PCDHGA11: variants seen among roughly 807,000 people sequenced by gnomAD.
PCDHGA11 encodes the protein protocadherin gamma-A11.
PCDHGA11 carries 39 observed loss-of-function variants against 60.4 expected under a neutral mutation model. The observed-to-expected ratio is 0.65, with a 90% confidence interval of 0.50 to 0.84. The LOEUF is 0.84. Among genes scored for constraint, PCDHGA11 ranks in the 40% least tolerant of loss-of-function variants. PCDHGA11 has a pLI of 0.00. For missense variants in PCDHGA11, 1,165 were observed against 1,197.7 expected (o/e 0.97, Z 0.40); for synonymous variants, 533 against 510.3 (o/e 1.04, Z -0.60).
chr5:141,498,078 G>A (rs1165770641), intron 2 of PCDHGA11, among the ~76,000 whole-genome samples: 6 of 152,194 alleles, frequency 3.9e-5, no homozygotes, highest in African/African-American at 1.4e-4. Flanking sequence ...ATAAGTGCTA[G>A]GTAGAATTGT....
At chr5:141,499,966 G>A (rs1403177792) in intron 2 of PCDHGA11, among the ~76,000 whole-genome samples, 1 of 151,988 alleles carries the variant, frequency 6.6e-6, no homozygotes, top group African/African-American at 2.4e-5. Flanking sequence ...GGGATTACAG[G>A]TGTGAGCCAC....
intron 1 of PCDHGA11, among the ~76,000 whole-genome samples, chr5:141,474,511 C>T (rs2099350824): frequency 6.6e-6 from 1 of 152,202 alleles, no homozygotes; most frequent in Non-Finnish European, 1.5e-5. Context: ...TATCAGCCCT[C>T]TTGCTGGTCT....
intron 1 of PCDHGA11, chr5:141,478,044 C>A (rs1302168166): frequency 1.9e-6 from 3 of 1,614,184 alleles, no homozygotes; most frequent in South Asian, 1.1e-5. Flanking sequence ...CCCAGGCAGA[C>A]TCTCACGGTC....
rs996353495 is a variant in PCDHGA11, at chr5:141,485,101, T to G, written c.2434-9706T>G. 12 of 1,158,090 alleles carry G rather than the reference T, an allele frequency of 1.0e-5. No individual in the cohort carries two copies. Among genetic ancestry groups the G allele is most frequent in the Non-Finnish European group, 1.4e-5 (11 of 786,830 alleles). The allele number at this position is 1,158,090 out of a possible 1,614,324, so 71.7% of individuals were successfully genotyped here. ...GGAAAGGGAGATAGGTGTCTCCAGC[T>G]GCTGTGGCTGTTTGGGGCGGGTCGG... On this transcript the variant is annotated intron_variant, in intron 1 of 3. Transcript: ENST00000398587. This position sits in a 1 kb window ranked among gnomAD's most constrained non-coding sequence, Gnocchi z 5.7.
Position 141,490,749 on chromosome 5 carries a change from C to T in PCDHGA11, c.2434-4058C>T, listed in dbSNP as rs777124697. 3.1e-6 allele frequency: 5 copies of T among 1,614,098 alleles called. No individual in the cohort carries two copies. The South Asian group carries it at 5.5e-5, about 18-fold the overall frequency. ...GAAATCAGGTTCAGGGAGCCCCAGC[C>T]TCCTCCTTTGTGTATGTCAACCCAG... On this transcript the variant is annotated intron_variant, in intron 1 of 3. Coordinates refer to ENST00000398587, the MANE Select transcript of PCDHGA11 (RefSeq NM_018914.3). The surrounding 1 kb of genome is among the most constrained non-coding windows in gnomAD (Gnocchi z 5.4).
intron 1 of PCDHGA11, chr5:141,427,778 A>T: frequency 1.4e-6 from 2 of 1,436,676 alleles, no homozygotes; most frequent in Non-Finnish European, 1.9e-6. Context: ...AGCTGCGGGC[A>T]CTGTCGTCCT....
At chr5:141,459,427 G>A (rs1489214494) in intron 1 of PCDHGA11, among the ~76,000 whole-genome samples, 2 of 152,228 alleles carry the variant, frequency 1.3e-5, no homozygotes, top group Non-Finnish European at 2.9e-5. Flanking sequence ...ATATCACAAT[G>A]TGTTCATTCA....
rs529029548 is a variant in PCDHGA11 at position 141,483,337 on chromosome 5, T to C, written c.2434-11470T>C. 9.2e-5 allele frequency among the ~76,000 whole-genome samples: 14 copies of C among 152,260 alleles called. No homozygotes were observed. In the East Asian group the frequency reaches 2.5e-3, roughly 27 times the overall value. On this transcript the variant is annotated intron_variant, in intron 1 of 3. Transcript: ENST00000398587. Reference sequence around the variant, plus strand: ...TGGGACTGGAGGCAAAGAGATCTTATCTCTTTGCAATAGTTTGAAAGCTAT... The same window carrying C: ...TGGGACTGGAGGCAAAGAGATCTTACCTCTTTGCAATAGTTTGAAAGCTAT...
At chr5:141,450,453 C>T (rs1202828231) in intron 1 of PCDHGA11, among the ~76,000 whole-genome samples, 3 of 152,058 alleles carry the variant, frequency 2.0e-5, no homozygotes, top group East Asian at 1.9e-4. Flanking sequence ...TATGTTTCCT[C>T]GTGATTTTAT....
Position 141,485,519 on chromosome 5 carries a change from A to T in PCDHGA11, c.2434-9288A>T. ...GTTTGTCACCGAAGGTCCTTTGGAA[A>T]TGTACCGAGCAGAGGTAGAGATCGT... On this transcript the variant is annotated intron_variant, in intron 1 of 3. Transcript: ENST00000398587. The surrounding 1 kb of genome is among the most constrained non-coding windows in gnomAD (Gnocchi z 5.7). The T allele has an allele frequency of 6.2e-7, 1 of 1,614,150 alleles. No individual in the cohort carries two copies. The highest frequency in any genetic ancestry group is 8.5e-7 in the Non-Finnish European group (1 of 1,180,018).
In PCDHGA11 at chr5:141,428,081, C is replaced by A. The variant is rs768842388; in HGVS notation, c.2433+4421C>A. 14 of 1,609,100 alleles carry A rather than the reference C, an allele frequency of 8.7e-6. No individual in the cohort carries two copies. In the African/African-American group the frequency reaches 1.1e-4, roughly 12 times the overall value. ...CGGTGGACGCAGATTCGGGACACAA[C>A]GCTTGGCTGTCCTACCACGTGCTGC... is the stretch of plus-strand genomic sequence containing the variant. On this transcript the variant is annotated intron_variant, in intron 1 of 3. Transcript: ENST00000398587.
chr5:141,490,998 C>T lies in PCDHGA11; in HGVS notation c.2434-3809C>T, dbSNP rs1284919124. 5 of 1,614,014 alleles carry T rather than the reference C, an allele frequency of 3.1e-6. No homozygotes were observed. The highest frequency in any genetic ancestry group is 1.7e-5 in the Admixed American group (1 of 60,016). On this transcript the variant is annotated intron_variant, in intron 1 of 3. Coordinates refer to ENST00000398587, the MANE Select transcript of PCDHGA11 (RefSeq NM_018914.3). The surrounding 1 kb of genome is among the most constrained non-coding windows in gnomAD (Gnocchi z 5.4). Reference sequence around the variant, plus strand: ...GTCTCCCTCGCTCTGCTCCTCCTGGCTCCTTGGTCACCAAGGTGACAGCCG... The same window carrying T: ...GTCTCCCTCGCTCTGCTCCTCCTGGTTCCTTGGTCACCAAGGTGACAGCCG...
intron 1 of PCDHGA11, among the ~76,000 whole-genome samples, chr5:141,460,256 C>T (rs1315761341): frequency 6.6e-6 from 1 of 151,704 alleles, no homozygotes; most frequent in Admixed American, 6.6e-5. Context: ...TTGATAAAGC[C>T]CAATTTATTT....
At position 141,421,999 on chromosome 5, in the gene PCDHGA11, TC is replaced by T; in HGVS notation, c.774del (p.Gly259GlufsTer5). 9.9e-6 allele frequency: 16 copies of T among 1,609,214 alleles called. No homozygotes were observed. Among genetic ancestry groups the T allele is most frequent in the Non-Finnish European group, 1.4e-5 (16 of 1,177,878 alleles). On this transcript the variant is annotated frameshift_variant, in exon 1 of 4. Transcript: ENST00000398587. LOFTEE classifies it high-confidence loss of function. ...CGTGAGTGTTCCAGAAAACATCAGC[TC>T]CGGAACTCGGGTGCTGATGGTTAAT... is the stretch of plus-strand genomic sequence containing the variant. ...YRVSVPENIS[S>X]GTRVLMVNAT... is the part of the protein sequence containing the mutation.
rs1173375966 is a variant in PCDHGA11, at chr5:141,511,162, GAGA to G, written c.2803_2805del (p.Lys935del). 16 of 1,614,044 alleles carry G rather than the reference GAGA, an allele frequency of 9.9e-6. No individual in the cohort carries two copies. The highest frequency in any genetic ancestry group is 5.5e-5 in the South Asian group (5 of 91,078). On this transcript the variant is annotated inframe_deletion, in exon 4 of 4. Transcript: ENST00000398587. The stretch of plus-strand genomic sequence containing the variant: ...CAACAAGAAGAAGTCGGGCAAGAAG[GAGA>G]AGAAGTAACATGGAGGCCAGGCCAA...
At chr5:141,508,242 GC>G (rs1344624071) in intron 3 of PCDHGA11, 1 of 152,310 alleles carries the variant, frequency 6.6e-6, no homozygotes, top group African/African-American at 2.4e-5. Context: ...TCCTAAGTCT[GC>G]CTCTCCTGGG....
intron 1 of PCDHGA11, among the ~76,000 whole-genome samples, chr5:141,488,741 C>A (rs2099678972): frequency 1.3e-5 from 2 of 152,310 alleles, no homozygotes; most frequent in South Asian, 4.1e-4. Context: ...TGAAGTCATG[C>A]AGGAAGTTGC....
At chr5:141,452,076 G>A (rs978382005) in intron 1 of PCDHGA11, among the ~76,000 whole-genome samples, 3 of 152,092 alleles carry the variant, frequency 2.0e-5, no homozygotes, top group Non-Finnish European at 2.9e-5. Flanking sequence ...TTATTAGTTG[G>A]CATTATACAG....
Position 141,422,044 on chromosome 5 carries a change from G to A in PCDHGA11, c.817G>A (p.Gly273Arg), listed in dbSNP as rs780284162. 1 of 1,611,530 alleles carries A rather than the reference G, an allele frequency of 6.2e-7. No homozygotes were observed. The highest frequency in any genetic ancestry group is 8.5e-7 in the Non-Finnish European group (1 of 1,179,224). The change falls in exon 1 of 4, where the codon GGA (glycine) becomes AGA (arginine). Residue 273 changes from glycine (G) to arginine (R), a missense_variant. Physicochemically the swap from Gly to Arg is moderately radical, Grantham distance 125. Transcript: ENST00000398587. The stretch of plus-strand genomic sequence containing the variant: ...GGTTAATGCAACGGATCCAGACGAG[G>A]GAATCAACGGGGAAGTAATGTATTC... ...LMVNATDPDE[G>R]INGEVMYSFR...
Sources: gnomAD v4.1 joint callset for allele counts (sites outside exome capture counted in the v4.1 genomes callset) on GRCh38, gnomAD v4.1.1 for gene constraint, Gnocchi (gnomAD v3.1) non-coding constraint, MANE v1.5 for transcripts, NCBI Gene and HGNC (gene_info 2026-07-23, HGNC 2026-07-21) for gene names.